The following SPAG17 variants were observed in gnomAD, a reference collection of about 807,000 sequenced individuals.
The protein encoded by SPAG17 is sperm associated antigen 17, also known as sperm-associated antigen 17.
Under a neutral mutation model 273.6 loss-of-function variants are expected in SPAG17, and 169 were observed. The observed-to-expected ratio is 0.62, with a 90% CI of 0.55 to 0.70. SPAG17 has a LOEUF of 0.70. SPAG17 is among the 30% of genes least tolerant of loss of function. SPAG17 has a pLI of 0.00. For synonymous variants in SPAG17, 825 were observed against 873.2 expected (o/e 0.94, Z 0.97); for missense variants, 2,557 against 2,627.8 (o/e 0.97, Z 0.59).
chr1:118,091,796 C>G lies in SPAG17; in HGVS notation c.1247-78G>C, dbSNP rs1655389955. The G allele has an allele frequency of 7.5e-6, 10 of 1,332,358 alleles. No homozygotes were observed. In the South Asian group the frequency reaches 1.1e-4, roughly 14 times the overall value. 82.5% of individuals were successfully genotyped at this position (1,332,358 alleles called of 1,614,324 possible). A position where few individuals can be genotyped will look rare whatever the true frequency, so the allele number is the denominator to read the frequency against. ...TCCATCAAAATTTCATGCATAATTT[C>G]AAACTATGACTATGCACTAATAAAT... On this transcript the variant is annotated intron_variant, in intron 9 of 48. Transcript: ENST00000336338.
chr1:118,114,826 T>A (rs759748679), intron 4 of SPAG17, among the ~76,000 whole-genome samples: 2 of 152,152 alleles, frequency 1.3e-5, no homozygotes, highest in African/African-American at 2.4e-5. Flanking sequence ...ATGTGCAATA[T>A]AGGAGTAGAA....
At position 118,099,696 on chromosome 1, in the gene SPAG17, C is replaced by T. The variant is rs762885045; in HGVS notation, c.739G>A (p.Val247Met). Reference sequence around the variant, plus strand: ...TAATTCTCTGAAGATATTTTAATCACGCTGGTTATAGGAATGCCAAGCTCA... The same window carrying T: ...TAATTCTCTGAAGATATTTTAATCATGCTGGTTATAGGAATGCCAAGCTCA... Reference protein sequence around the residue: ...MAELGIPITSVIKISSENYEP... With the variant: ...MAELGIPITSMIKISSENYEP... Residue 247 changes from valine (V) to methionine (M), a missense_variant, in exon 6 of 49, where the codon GTG becomes ATG. Physicochemically the swap from Val to Met is conservative, Grantham distance 21 (BLOSUM62 1). Transcript: ENST00000336338. 8 of 1,613,840 alleles carry T rather than the reference C, an allele frequency of 5.0e-6. No homozygotes were observed. The highest frequency in any genetic ancestry group is 2.2e-5 in the South Asian group (2 of 91,076).
intron 1 of SPAG17, among the ~76,000 whole-genome samples, chr1:118,183,145 T>C (rs1204894435): frequency 6.6e-6 from 1 of 152,126 alleles, no homozygotes; most frequent in African/African-American, 2.4e-5. Context: ...GAGGAATTCT[T>C]TCCTTCTCTC....
chr1:118,035,832 G>A (rs1649015353), intron 24 of SPAG17, among the ~76,000 whole-genome samples: 1 of 152,092 alleles, frequency 6.6e-6, no homozygotes, highest in Non-Finnish European at 1.5e-5. Context: ...TTGATTCTTC[G>A]TAAAGTGATA....
At chr1:118,040,161 A>T (rs1046210269) in intron 22 of SPAG17, among the ~76,000 whole-genome samples, 12 of 152,198 alleles carry the variant, frequency 7.9e-5, no homozygotes, top group African/African-American at 2.9e-4. Flanking sequence ...TTTTTGTTTT[A>T]AAAAAATTGG....
chr1:118,013,424 A>T (rs1659667704), intron 29 of SPAG17, among the ~76,000 whole-genome samples: 2 of 152,114 alleles, frequency 1.3e-5, no homozygotes, highest in Admixed American at 1.3e-4. Flanking sequence ...TTCAGCCAGG[A>T]ATGTATACTA....
rs1242108246 is a variant in SPAG17, at chr1:118,115,301, G to A, written c.447+9C>T. The A allele has an allele frequency of 3.1e-6, 5 of 1,611,822 alleles. No homozygotes were observed. The highest frequency in any genetic ancestry group is 1.7e-5 in the Admixed American group (1 of 59,888). On this transcript the variant is annotated intron_variant, in intron 4 of 48. Coordinates refer to ENST00000336338, the MANE Select transcript of SPAG17 (RefSeq NM_206996.4). The stretch of plus-strand genomic sequence containing the variant: ...CCCTCTTTAGAAAACCCACCAGATC[G>A]TACAGTACCTTCTTTTCATTTTCCC...
chr1:117,983,938 T>C, intron 41 of SPAG17, 25 bp from the exon 42 acceptor site: 1 of 1,279,264 alleles, frequency 7.8e-7, no homozygotes, highest in Non-Finnish European at 1.1e-6. Context: ...AAACTTATTT[T>C]AGACTTATAC....
At chr1:118,098,195 T>A (rs12146079) in intron 6 of SPAG17, among the ~76,000 whole-genome samples, 11,394 of 152,260 alleles carry the variant, frequency 0.075, 597 homozygotes, top group East Asian at 0.26. Context: ...TTTTCTGCCA[T>A]ATCACTTTTT....
chr1:118,067,778 G>A (rs1296955925), intron 17 of SPAG17, among the ~76,000 whole-genome samples: 1 of 152,150 alleles, frequency 6.6e-6, no homozygotes, highest in Non-Finnish European at 1.5e-5. Flanking sequence ...GTGTGTTATG[G>A]TGCCAGGGCT....
In SPAG17 at chr1:117,999,388, C is replaced by G. The variant is rs375390014; in HGVS notation, c.4777-2645G>C. Among the ~76,000 whole-genome samples, 475 of 152,236 alleles carry G rather than the reference C, an allele frequency of 3.1e-3. 3 individuals carry two copies. The highest frequency in any genetic ancestry group is 0.011 in the African/African-American group (449 of 41,538). ...TCAAATGTTATTTCTGGTTCTAGGG[C>G]CTTGAGGAATCACCATACCATCTTC... On this transcript the variant is annotated intron_variant, in intron 32 of 48. Transcript: ENST00000336338.
At chr1:118,028,460 C>T in intron 25 of SPAG17, 66 bp from the exon 26 acceptor site, 2 of 1,586,832 alleles carry the variant, frequency 1.3e-6, no homozygotes, top group African/African-American at 1.3e-5. Context: ...TTTATTTTGA[C>T]TAAGCCAGGA....
At chr1:118,030,875 T>C (rs778759544) in intron 25 of SPAG17, among the ~76,000 whole-genome samples, 2 of 152,234 alleles carry the variant, frequency 1.3e-5, no homozygotes, top group East Asian at 3.8e-4. Context: ...AAGTCTTTGT[T>C]ATTGTAAATA....
chr1:118,041,218 A>G (rs1373486215), intron 21 of SPAG17, among the ~76,000 whole-genome samples: 1 of 152,116 alleles, frequency 6.6e-6, no homozygotes, highest in African/African-American at 2.4e-5. Flanking sequence ...CATATGTAGA[A>G]GACATTTTTT....
chr1:118,017,132 T>C lies in SPAG17; in HGVS notation c.4070-950A>G, dbSNP rs147554275. Among the ~76,000 whole-genome samples the C allele has an allele frequency of 3.8e-3, 577 of 152,302 alleles. 2 individuals carry two copies. The highest frequency in any genetic ancestry group is 0.013 in the African/African-American group (547 of 41,572). On this transcript the variant is annotated intron_variant, in intron 28 of 48. Coordinates refer to ENST00000336338, the MANE Select transcript of SPAG17 (RefSeq NM_206996.4). ...AGATAAATCAGGTTGAGCCTTTTCA[T>C]TGCCCTAAAATTTGATTTGGACATA...
rs146004766 is a variant in SPAG17, at chr1:118,125,245, A to ATATTTTTTTT, written c.316-9805_316-9804insAAAAAAAATA. Among the ~76,000 whole-genome samples, 318 of 150,822 alleles carry ATATTTTTTTT rather than the reference A, an allele frequency of 2.1e-3. 1 individual carries two copies. The highest frequency in any genetic ancestry group is 4.7e-3 in the African/African-American group (190 of 40,838). On this transcript the variant is annotated intron_variant, in intron 3 of 48. Transcript: ENST00000336338. The stretch of plus-strand genomic sequence containing the variant: ...TTATTGTATTCATATATATATATAT[A>ATATTTTTTTT]TTTTTGACATATAATAATGGTAAAT...
chr1:118,050,420 G>T (rs551512159), intron 20 of SPAG17, among the ~76,000 whole-genome samples: 1 of 152,220 alleles, frequency 6.6e-6, no homozygotes, highest in East Asian at 1.9e-4. Context: ...TTCTTCTGAG[G>T]AGGCAAGAAT....
intron 42 of SPAG17, among the ~76,000 whole-genome samples, chr1:117,982,364 C>T (rs969668049): frequency 5.9e-5 from 9 of 151,818 alleles, no homozygotes; most frequent in African/African-American, 1.7e-4. Context: ...GCCTTAGCCT[C>T]CCTAGTAGTT....
Position 118,052,175 on chromosome 1 carries a change from T to C in SPAG17, c.2814+1827A>G, listed in dbSNP as rs553134789. Among the ~76,000 whole-genome samples the C allele has an allele frequency of 4.7e-5, 7 of 147,482 alleles. No homozygotes were observed. The South Asian group carries it at 1.5e-3, about 31-fold the overall frequency. ...TACTATTATAATATATAAACTATTATATATATAATAAACATACACACACAA... is the reference window on the plus strand; with the variant it reads ...TACTATTATAATATATAAACTATTACATATATAATAAACATACACACACAA... On this transcript the variant is annotated intron_variant, in intron 20 of 48. Coordinates refer to ENST00000336338, the MANE Select transcript of SPAG17 (RefSeq NM_206996.4).
Sources: gnomAD v4.1 joint callset for allele counts (sites outside exome capture counted in the v4.1 genomes callset) on GRCh38, gnomAD v4.1.1 for gene constraint, MANE v1.5 for transcripts, NCBI Gene and HGNC (gene_info 2026-07-23, HGNC 2026-07-21) for gene names.